Variants in LPA observed in about 807,000 individuals in gnomAD.
The protein encoded by LPA is apolipoprotein(a).
In LPA, 199 loss-of-function variants were observed where a neutral mutation model predicts 197.9. That is an observed-to-expected ratio of 1.01 (90% CI 0.90 to 1.13). LPA has a LOEUF of 1.13. LPA is among the 50% of genes most tolerant of loss of function. The pLI, the probability that LPA is intolerant of heterozygous loss-of-function variation, is 0.00. For synonymous variants in LPA, 715 were observed against 639.5 expected, an observed-to-expected ratio of 1.12 and a Z score of -1.78; for missense variants, 1,853 against 1,785.8, an observed-to-expected ratio of 1.04 and a Z score of -0.68.
chr6:160,603,403 T>C (rs1315093069), intron 18 of LPA, among the ~76,000 whole-genome samples: 1 of 152,224 alleles, frequency 6.6e-6, no homozygotes, highest in Non-Finnish European at 1.5e-5. Context: ...CCATTGGGAA[T>C]ACATCCAGTA....
intron 16 of LPA, among the ~76,000 whole-genome samples, chr6:160,608,471 T>C (rs935508407): frequency 1.3e-5 from 2 of 152,182 alleles, no homozygotes; most frequent in Non-Finnish European, 2.9e-5. Context: ...ATCACTGTTC[T>C]TCTAGCAAGA....
chr6:160,654,041 ATAATATATAATATATTATAT>A lies in LPA; in HGVS notation c.50-3564_50-3545del, dbSNP rs1780075418. Among the ~76,000 whole-genome samples, 8 of 13,634 alleles carry A rather than the reference ATAATATATAATATATTATAT, an allele frequency of 5.9e-4. 2 individuals carry two copies. The highest frequency in any genetic ancestry group is 1.1e-4 in the Non-Finnish European group (1 of 9,064). The allele number at this position is 13,634 out of a possible 152,430, so 8.9% of individuals were successfully genotyped here. On this transcript the variant is annotated intron_variant, in intron 1 of 38. Coordinates refer to ENST00000316300, the MANE Select transcript of LPA (RefSeq NM_005577.4). ...ATATAATATATAATATATATTATAT[ATAATATATAATATATTATAT>A]ATATTATATATAATATATATTATAT...
chr6:160,559,912 G>A (rs1410855564), intron 28 of LPA, among the ~76,000 whole-genome samples: 3 of 152,126 alleles, frequency 2.0e-5, no homozygotes, highest in African/African-American at 4.8e-5. Flanking sequence ...TCTACATTAG[G>A]TATTTCTCCT....
intron 30 of LPA, 147 bp from the exon 31 acceptor site, chr6:160,548,806 A>C: frequency 1.3e-6 from 1 of 793,270 alleles, no homozygotes; most frequent in Non-Finnish European, 2.1e-6. Context: ...CACAACACAA[A>C]TGTTCCTCAA....
intron 30 of LPA, among the ~76,000 whole-genome samples, chr6:160,551,491 A>C (rs140924070): frequency 2.0e-5 from 3 of 152,134 alleles, no homozygotes; most frequent in Non-Finnish European, 4.4e-5. Flanking sequence ...TTACTTGCCT[A>C]TTTATTTTCT....
chr6:160,547,971 A>T, intron 31 of LPA, 34 bp from the exon 32 acceptor site: 1 of 1,611,872 alleles, frequency 6.2e-7, no homozygotes, highest in Non-Finnish European at 8.5e-7. Context: ...ACAGATGATT[A>T]CAGACAGCCA....
At chr6:160,575,898 C>A (rs1316989110) in intron 28 of LPA, among the ~76,000 whole-genome samples, 2 of 152,122 alleles carry the variant, frequency 1.3e-5, no homozygotes, top group African/African-American at 4.8e-5. Flanking sequence ...AATTCTTTCT[C>A]ATTATTACCA....
intron 1 of LPA, among the ~76,000 whole-genome samples, chr6:160,658,936 T>C (rs1453421104): frequency 6.6e-6 from 1 of 151,682 alleles, no homozygotes; most frequent in Admixed American, 6.6e-5. Flanking sequence ...GTATATATAG[T>C]GAGTATACCT....
intron 18 of LPA, among the ~76,000 whole-genome samples, chr6:160,603,585 T>C (rs1369075861): frequency 6.6e-6 from 1 of 152,192 alleles, no homozygotes. Context: ...ATTCTAATCA[T>C]TTCTGTCATT....
At chr6:160,575,466 C>A (rs1276737141) in intron 28 of LPA, among the ~76,000 whole-genome samples, 1 of 152,124 alleles carries the variant, frequency 6.6e-6, no homozygotes, top group East Asian at 1.9e-4. Context: ...GATAACTGAG[C>A]AATTTGATTT....
intron 16 of LPA, among the ~76,000 whole-genome samples, chr6:160,608,323 G>A (rs79975507): frequency 0.014 from 2,190 of 152,158 alleles, 61 homozygotes; most frequent in African/African-American, 0.051. Context: ...CATTTATGCA[G>A]CATGGATGAT....
At chr6:160,559,423 A>T (rs533298144) in intron 28 of LPA, among the ~76,000 whole-genome samples, 2 of 152,360 alleles carry the variant, frequency 1.3e-5, no homozygotes, top group South Asian at 4.1e-4. Flanking sequence ...ATTGATGAAC[A>T]TTGAAATTAT....
At chr6:160,548,742 A>G in intron 30 of LPA, 83 bp from the exon 31 acceptor site, 8 of 1,440,366 alleles carry the variant, frequency 5.6e-6, no homozygotes, top group Middle Eastern at 1.8e-4. Context: ...TTGTTCTAAC[A>G]AAGTCTTAAC....
At chr6:160,658,427 C>G (rs1180358451) in intron 1 of LPA, among the ~76,000 whole-genome samples, 1 of 152,214 alleles carries the variant, frequency 6.6e-6, no homozygotes, top group African/African-American at 2.4e-5. Context: ...TCAGGGCAAT[C>G]TTAGCAGATT....
At chr6:160,587,512 T>C (rs1778933481) in intron 24 of LPA, among the ~76,000 whole-genome samples, 1 of 152,182 alleles carries the variant, frequency 6.6e-6, no homozygotes, top group Non-Finnish European at 1.5e-5. Flanking sequence ...AACTATGATA[T>C]ATCCCAGTAA....
chr6:160,535,679 G>C (rs1777884018), intron 37 of LPA, among the ~76,000 whole-genome samples: 2 of 150,652 alleles, frequency 1.3e-5, no homozygotes, highest in African/African-American at 4.9e-5. Context: ...AATGATGATA[G>C]TGGTGGCGAT....
chr6:160,540,964 C>T, intron 35 of LPA, 143 bp downstream of exon 35: 1 of 729,426 alleles, frequency 1.4e-6, no homozygotes, highest in Non-Finnish European at 2.4e-6. Context: ...CATGCATTCC[C>T]TGGTTCCTAG....
At chr6:160,538,472 C>G (rs1033818227) in intron 36 of LPA, among the ~76,000 whole-genome samples, 1 of 152,164 alleles carries the variant, frequency 6.6e-6, no homozygotes, top group African/African-American at 2.4e-5. Context: ...TGCTAGACAT[C>G]AAATGAAAGA....
At chr6:160,533,789 G>A (rs1034595454) in intron 37 of LPA, among the ~76,000 whole-genome samples, 5 of 152,210 alleles carry the variant, frequency 3.3e-5, no homozygotes, top group African/African-American at 1.2e-4. Flanking sequence ...CAATTAGGGA[G>A]AAGAAATACT....
Sources: allele counts gnomAD v4.1 joint callset (sites outside exome capture counted in the v4.1 genomes callset), GRCh38; gene constraint gnomAD v4.1.1; transcripts MANE v1.5; gene names NCBI Gene and HGNC (gene_info 2026-07-23, HGNC 2026-07-21).